Variants in GNAQ observed in about 807,000 individuals in gnomAD.
GNAQ encodes the protein guanine nucleotide-binding protein G(q) subunit alpha.
A neutral mutation model predicts 43.9 loss-of-function variants in GNAQ; 8 were observed. That is an observed-to-expected ratio of 0.18 (90% CI 0.11 to 0.33). The LOEUF (loss-of-function observed/expected upper bound fraction) is 0.33, where lower values mean the gene tolerates loss of function less well. Ranked by LOEUF, GNAQ falls within the 10% of genes least tolerant of loss-of-function variation. The pLI, the probability that GNAQ is intolerant of heterozygous loss-of-function variation, is 1.00. For synonymous variants in GNAQ, 155 were observed against 170.7 expected (o/e 0.91, Z 0.71); for missense variants, 158 against 450.8 (o/e 0.35, Z 5.88).
At chr9:77,868,005 G>A (rs1030548557) in intron 2 of GNAQ, among the ~76,000 whole-genome samples, 19 of 152,194 alleles carry the variant, frequency 1.2e-4, no homozygotes, top group African/African-American at 4.1e-4. Context: ...CCTGACCTCA[G>A]TAGAGCCAAT....
At chr9:77,990,730 A>G (rs1309957105) in intron 1 of GNAQ, among the ~76,000 whole-genome samples, 2 of 152,258 alleles carry the variant, frequency 1.3e-5, no homozygotes, top group Non-Finnish European at 2.9e-5. Context: ...GTTGGAATCG[A>G]AAATTTGGCC....
chr9:78,030,385 T>C (rs1587469646), intron 1 of GNAQ: 2 of 396,684 alleles, frequency 5.0e-6, no homozygotes, highest in Non-Finnish European at 1.1e-5. Flanking sequence ...CCAACTCTTC[T>C]AGGCTCCCTC....
chr9:77,762,484 GC>G (rs1215899538), intron 5 of GNAQ, among the ~76,000 whole-genome samples: 1 of 144,566 alleles, frequency 6.9e-6, no homozygotes, highest in East Asian at 2.1e-4. Flanking sequence ...GGGGGGGTCA[GC>G]CCCCCGCCTG....
At chr9:77,974,223 C>A (rs1355429538) in intron 1 of GNAQ, among the ~76,000 whole-genome samples, 1 of 152,086 alleles carries the variant, frequency 6.6e-6, no homozygotes, top group Non-Finnish European at 1.5e-5. Context: ...GAGGCTGGGG[C>A]TGAGCTTTCA....
intron 1 of GNAQ, among the ~76,000 whole-genome samples, chr9:78,005,539 T>G (rs994538403): frequency 2.0e-5 from 3 of 152,204 alleles, no homozygotes; most frequent in Non-Finnish European, 4.4e-5. Flanking sequence ...TAATAATGTC[T>G]TACTCACAGT....
At chr9:77,846,326 C>T (rs1827584752) in intron 2 of GNAQ, among the ~76,000 whole-genome samples, 1 of 152,176 alleles carries the variant, frequency 6.6e-6, no homozygotes, top group Non-Finnish European at 1.5e-5. Context: ...GGGGCAAGCG[C>T]TTTCCGCCTG....
intron 2 of GNAQ, among the ~76,000 whole-genome samples, chr9:77,899,962 G>A (rs1434335859): frequency 6.6e-6 from 1 of 152,152 alleles, no homozygotes; most frequent in African/African-American, 2.4e-5. Context: ...AAGACAATAT[G>A]CCCTTTAAAT....
At chr9:77,777,034 CAT>C (rs1826315490) in intron 5 of GNAQ, among the ~76,000 whole-genome samples, 1 of 152,042 alleles carries the variant, frequency 6.6e-6, no homozygotes, top group South Asian at 2.1e-4. Flanking sequence ...TAAAAAAAGA[CAT>C]GTGCATCAGT....
chr9:77,856,798 G>A (rs1225095577), intron 2 of GNAQ, among the ~76,000 whole-genome samples: 2 of 152,180 alleles, frequency 1.3e-5, no homozygotes, highest in Non-Finnish European at 1.5e-5. Context: ...GCTGTATTAA[G>A]CCGTTATTAC....
intron 2 of GNAQ, among the ~76,000 whole-genome samples, chr9:77,878,798 C>A (rs1828166090): frequency 6.6e-6 from 1 of 152,102 alleles, no homozygotes; most frequent in Admixed American, 6.6e-5. Flanking sequence ...GTAATTCCAG[C>A]ACTTTGGGAG....
At chr9:77,914,996 T>G (rs1442060674) in intron 2 of GNAQ, among the ~76,000 whole-genome samples, 1 of 152,126 alleles carries the variant, frequency 6.6e-6, no homozygotes, top group African/African-American at 2.4e-5. Context: ...TGGATAAAGT[T>G]CAAGAAAGGC....
At chr9:77,839,134 C>T (rs958836072) in intron 2 of GNAQ, among the ~76,000 whole-genome samples, 3 of 152,148 alleles carry the variant, frequency 2.0e-5, no homozygotes, top group Non-Finnish European at 4.4e-5. Flanking sequence ...TCTTATTCCC[C>T]CAGGCCTCGT....
In GNAQ at chr9:77,953,023, T is replaced by C. The variant is rs144890068; in HGVS notation, c.137-30678A>G. 2.0e-3 allele frequency among the ~76,000 whole-genome samples: 303 copies of C among 152,312 alleles called. 1 individual carries two copies. Among genetic ancestry groups the C allele is most frequent in the Non-Finnish European group, 2.9e-3 (195 of 68,026 alleles). Reference sequence around the variant, plus strand: ...TTTTCAAGCTACATTATTGATAAAATAATACACTCCAATAAAGTATCATGT... The same window carrying C: ...TTTTCAAGCTACATTATTGATAAAACAATACACTCCAATAAAGTATCATGT... On this transcript the variant is annotated intron_variant, in intron 1 of 6. Coordinates refer to ENST00000286548, the MANE Select transcript of GNAQ (RefSeq NM_002072.5).
intron 5 of GNAQ, among the ~76,000 whole-genome samples, chr9:77,745,855 A>G (rs910521112): frequency 3.3e-5 from 5 of 152,130 alleles, no homozygotes; most frequent in African/African-American, 7.2e-5. Context: ...TTTCAAATGA[A>G]TACTAAATGA....
rs368089449 is a variant in GNAQ, at chr9:78,013,108, A to G, written c.136+17992T>C. Among the ~76,000 whole-genome samples the G allele has an allele frequency of 4.7e-4, 71 of 152,296 alleles. 1 individual carries two copies. The South Asian group carries it at 0.014, about 30-fold the overall frequency. Reference sequence around the variant, plus strand: ...CCGTAATCAGGAGGAAGAACAGAATAAAGGAAATGTAAGTTAGAGCAATGA... The same window carrying G: ...CCGTAATCAGGAGGAAGAACAGAATGAAGGAAATGTAAGTTAGAGCAATGA... On this transcript the variant is annotated intron_variant, in intron 1 of 6. Coordinates refer to ENST00000286548, the MANE Select transcript of GNAQ (RefSeq NM_002072.5).
intron 2 of GNAQ, among the ~76,000 whole-genome samples, chr9:77,914,975 G>A (rs991134334): frequency 6.6e-6 from 1 of 151,974 alleles, no homozygotes; most frequent in Admixed American, 6.5e-5. Context: ...TTTTTCATAG[G>A]TGCTGTAGAA....
intron 2 of GNAQ, among the ~76,000 whole-genome samples, chr9:77,921,718 C>G (rs1828999379): frequency 6.6e-6 from 1 of 152,122 alleles, no homozygotes; most frequent in African/African-American, 2.4e-5. Flanking sequence ...AAGAAAATCA[C>G]AAAATTCAAA....
rs374474783 is a variant in GNAQ, at chr9:77,728,796, AT to A, written c.736-130del. The A allele has an allele frequency of 4.8e-6, 3 of 631,184 alleles. No homozygotes were observed. The South Asian group carries it at 5.8e-5, about 12-fold the overall frequency. The allele number at this position is 631,184 out of a possible 1,614,324, so 39.1% of individuals were successfully genotyped here. ...ACCAGTTTTTGTAGCCCTGTGTTGG[AT>A]TTGTCAGGATTTATATGCAAATGAT... On this transcript the variant is annotated intron_variant, in intron 5 of 6. Coordinates refer to ENST00000286548, the MANE Select transcript of GNAQ (RefSeq NM_002072.5).
intron 5 of GNAQ, among the ~76,000 whole-genome samples, chr9:77,761,830 C>T (rs1826032759): frequency 3.3e-5 from 2 of 60,440 alleles, no homozygotes; most frequent in Admixed American, 1.5e-4. Flanking sequence ...CGGCCAGCCG[C>T]CCCGTCCGGG....
Sources: allele counts gnomAD v4.1 joint callset (sites outside exome capture counted in the v4.1 genomes callset), GRCh38; gene constraint gnomAD v4.1.1; transcripts MANE v1.5; gene names NCBI Gene and HGNC (gene_info 2026-07-23, HGNC 2026-07-21).